The following NCR1 variants were observed in gnomAD, a reference collection of about 807,000 sequenced individuals.
NCR1 encodes natural cytotoxicity triggering receptor 1, also known as NK cell-activating receptor.
In NCR1, 30 loss-of-function variants were observed where a neutral mutation model predicts 32.5. The observed-to-expected ratio is 0.92, with a 90% CI of 0.69 to 1.25. The LOEUF (loss-of-function observed/expected upper bound fraction) is 1.25, where lower values mean the gene tolerates loss of function less well. Ranked by LOEUF, NCR1 falls within the 50% of genes most tolerant of loss-of-function variation. The pLI, the probability that NCR1 is intolerant of heterozygous loss-of-function variation, is 0.00. For synonymous variants in NCR1, 169 were observed against 143.4 expected (o/e 1.18, Z -1.28); for missense variants, 369 against 380.7 (o/e 0.97, Z 0.26).
upstream of NCR1, among the ~76,000 whole-genome samples, chr19:54,903,375 C>T (rs901884435): frequency 4.2e-5 from 5 of 119,104 alleles, no homozygotes; most frequent in Admixed American, 2.5e-4. Flanking sequence ...TGTATATATA[C>T]ATGTATGTAT....
chr19:54,933,459 A>C, the NCR1 span: 2 of 1,400,058 alleles, frequency 1.4e-6, no homozygotes, highest in Non-Finnish European at 2.0e-6. Flanking sequence ...CCTGTTCTTT[A>C]ATTCTTACCA....
chr19:54,911,977 A>C (rs1350012540), intron 5 of NCR1, among the ~76,000 whole-genome samples, 191 bp from the exon 6 acceptor site: 1 of 152,020 alleles, frequency 6.6e-6, no homozygotes, highest in Non-Finnish European at 1.5e-5. Flanking sequence ...AAGTGCTAGA[A>C]TGGAATTCCT....
chr19:54,927,853 A>G, the NCR1 span: 1 of 1,338,438 alleles, frequency 7.5e-7, no homozygotes, highest in Non-Finnish European at 1.1e-6. Context: ...ACACTTCGGG[A>G]GGCCAAGGCG....
downstream of NCR1, among the ~76,000 whole-genome samples, chr19:54,919,588 C>T (rs1267038486): frequency 2.6e-5 from 4 of 151,954 alleles, no homozygotes; most frequent in Admixed American, 1.3e-4. Flanking sequence ...GCGTGACCAC[C>T]GAAGCACAGC....
chr19:54,922,135 C>T, the NCR1 span, among the ~76,000 whole-genome samples: 6 of 151,932 alleles, frequency 3.9e-5, no homozygotes, highest in African/African-American at 9.7e-5. Context: ...TCAGGTGATC[C>T]GCCCGCCTCG....
At chr19:54,919,759 G>C (rs541863391), downstream of NCR1, among the ~76,000 whole-genome samples, 2 of 144,148 alleles carry the variant, frequency 1.4e-5, no homozygotes, top group Non-Finnish European at 3.0e-5. Flanking sequence ...GCTAAGTAGC[G>C]GGTGTTGTTA....
downstream of NCR1, among the ~76,000 whole-genome samples, chr19:54,920,863 T>C (rs942008805): frequency 2.0e-4 from 30 of 151,954 alleles, no homozygotes; most frequent in Admixed American, 2.0e-4. Context: ...GCCAGCACTT[T>C]GGGAGGCCGA....
At chr19:54,917,576 C>T (rs1435985135), downstream of NCR1, among the ~76,000 whole-genome samples, 1 of 152,108 alleles carries the variant, frequency 6.6e-6, no homozygotes, top group Non-Finnish European at 1.5e-5. Context: ...CCACCTTGGC[C>T]TCCCAAAGTG....
chr19:54,930,115 C>CA, the NCR1 span, among the ~76,000 whole-genome samples: 2,454 of 100,424 alleles, frequency 0.024, 73 homozygotes, highest in African/African-American at 0.076. Context: ...GGCTCCGTCT[C>CA]AAAAAAAAAA....
the NCR1 span, among the ~76,000 whole-genome samples, chr19:54,931,913 G>C: frequency 6.6e-6 from 1 of 151,710 alleles, no homozygotes; most frequent in Admixed American, 6.6e-5. Flanking sequence ...TGGGACAACA[G>C]CTTAGGCTCT....
chr19:54,920,976 C>T (rs969537538), downstream of NCR1, among the ~76,000 whole-genome samples: 5 of 152,006 alleles, frequency 3.3e-5, no homozygotes, highest in South Asian at 4.1e-4. Context: ...AGACTCTGTC[C>T]GCCCCACCAC....
At chr19:54,903,396 G>A (rs1278172086), upstream of NCR1, among the ~76,000 whole-genome samples, 2 of 135,084 alleles carry the variant, frequency 1.5e-5, no homozygotes, top group Non-Finnish European at 3.2e-5. Flanking sequence ...ATACATATAT[G>A]TATATGTATG....
upstream of NCR1, among the ~76,000 whole-genome samples, chr19:54,903,655 G>T (rs1399496402): frequency 7.4e-6 from 1 of 134,294 alleles, no homozygotes; most frequent in Non-Finnish European, 1.6e-5. Flanking sequence ...ACACATATAT[G>T]TATATATGTA....
downstream of NCR1, among the ~76,000 whole-genome samples, chr19:54,916,433 C>T (rs1327334869): frequency 6.6e-6 from 1 of 150,726 alleles, no homozygotes; most frequent in Non-Finnish European, 1.5e-5. Flanking sequence ...ATTCTCCTGC[C>T]TCAGCCTCCC....
At chr19:54,930,630 T>A in the NCR1 span, 1 of 1,613,400 alleles carries the variant, frequency 6.2e-7, no homozygotes, top group Non-Finnish European at 8.5e-7. Context: ...CTGAGAGATA[T>A]CTACAGCCAA....
intron 5 of NCR1, among the ~76,000 whole-genome samples, chr19:54,911,182 T>TAA (rs920023505): frequency 7.4e-5 from 11 of 149,326 alleles, no homozygotes; most frequent in Non-Finnish European, 1.5e-4. Flanking sequence ...CTGTCTCTAC[T>TAA]AAAAAAAAAT....
intron 5 of NCR1, 147 bp from the exon 6 acceptor site, chr19:54,912,021 T>G: frequency 1.4e-6 from 1 of 707,268 alleles, no homozygotes; most frequent in Non-Finnish European, 2.6e-6. Context: ...CCCTTCCACT[T>G]TACCTGCTGG....
chr19:54,922,134 C>T, the NCR1 span, among the ~76,000 whole-genome samples: 58 of 152,062 alleles, frequency 3.8e-4, no homozygotes, highest in Non-Finnish European at 7.4e-4. Flanking sequence ...CTCAGGTGAT[C>T]CGCCCGCCTC....
At chr19:54,919,277 A>G (rs574662755), downstream of NCR1, among the ~76,000 whole-genome samples, 1 of 152,228 alleles carries the variant, frequency 6.6e-6, no homozygotes, top group East Asian at 1.9e-4. Context: ...ATGCGCGGAG[A>G]CCGGTAGTGG....
Sources: gnomAD v4.1 joint callset for allele counts (sites outside exome capture counted in the v4.1 genomes callset) on GRCh38, gnomAD v4.1.1 for gene constraint, MANE v1.5 for transcripts, NCBI Gene and HGNC (gene_info 2026-07-23, HGNC 2026-07-21) for gene names.